Variants in ME2 observed in about 807,000 individuals in gnomAD.
ME2 encodes the protein NAD-dependent malic enzyme, mitochondrial.
In ME2, 60 loss-of-function variants were observed where a neutral mutation model predicts 73.7. The ratio of observed to expected loss-of-function variants is 0.81; its 90% CI spans 0.66 to 1.01. The LOEUF is 1.01. Ranked by LOEUF, ME2 falls within the 50% of genes least tolerant of loss-of-function variation. The pLI is 0.00. For missense variants in ME2, 594 were observed against 705.5 expected, an observed-to-expected ratio of 0.84 and a Z score of 1.79; for synonymous variants, 199 against 236.9, an observed-to-expected ratio of 0.84 and a Z score of 1.47.
chr18:50,908,979 G>A (rs1274861618), intron 3 of ME2, among the ~76,000 whole-genome samples: 1 of 124,894 alleles, frequency 8.0e-6, no homozygotes, highest in Non-Finnish European at 1.7e-5. Flanking sequence ...TTTGAGACAG[G>A]GTCTCACTCT....
In ME2 at chr18:50,912,902, C is replaced by T. The variant is rs780998158; in HGVS notation, c.344C>T (p.Thr115Met). ...TTAATGCCAATTGTATATACACCGA[C>T]GGTTGGTCTTGCCTGCTCCCAGTAT... ...ESLMPIVYTP[T>M]VGLACSQYGH... Residue 115 changes from threonine (T) to methionine (M), a missense_variant, in exon 4 of 16, where the codon ACG (threonine) becomes ATG (methionine). Transcript: ENST00000321341. The T allele has an allele frequency of 6.2e-6, 10 of 1,611,466 alleles. No homozygotes were observed. Among genetic ancestry groups the T allele is most frequent in the South Asian group, 5.5e-5 (5 of 90,622 alleles).
chr18:50,884,313 GGT>G (rs1440371633), intron 1 of ME2, among the ~76,000 whole-genome samples: 1 of 151,942 alleles, frequency 6.6e-6, no homozygotes. Context: ...TTTGAGAGGT[GGT>G]GTTATCTTTA....
chr18:50,895,183 T>G (rs1259435178), intron 1 of ME2, among the ~76,000 whole-genome samples: 1 of 152,138 alleles, frequency 6.6e-6, no homozygotes, highest in Non-Finnish European at 1.5e-5. Context: ...TATAGTTTTC[T>G]CTTTAAAAAT....
At chr18:50,927,751 T>TATATATATATATATAC (rs1316314513) in intron 12 of ME2, among the ~76,000 whole-genome samples, 29 of 123,280 alleles carry the variant, frequency 2.4e-4, no homozygotes, top group African/African-American at 5.0e-4. Flanking sequence ...TATATATATA[T>TATATATATATATATAC]ACACACCACA....
chr18:50,918,971 T>A (rs1018354542), intron 7 of ME2, among the ~76,000 whole-genome samples: 2 of 152,208 alleles, frequency 1.3e-5, no homozygotes, highest in African/African-American at 4.8e-5. Context: ...TCTTCTGTAT[T>A]CCCAGCTTCT....
intron 2 of ME2, among the ~76,000 whole-genome samples, chr18:50,905,020 C>G (rs927491977): frequency 6.6e-6 from 1 of 151,938 alleles, no homozygotes; most frequent in African/African-American, 2.4e-5. Flanking sequence ...CGGAATCTCC[C>G]TCTGTCACCA....
chr18:50,899,095 T>A (rs1168460925), intron 2 of ME2, among the ~76,000 whole-genome samples: 1 of 152,168 alleles, frequency 6.6e-6, no homozygotes, highest in African/African-American at 2.4e-5. Context: ...CATTACCGCC[T>A]GTGCTCTGCC....
At chr18:50,903,788 T>C (rs1916946234) in intron 2 of ME2, among the ~76,000 whole-genome samples, 1 of 152,174 alleles carries the variant, frequency 6.6e-6, no homozygotes, top group Non-Finnish European at 1.5e-5. Flanking sequence ...CATTTAAACA[T>C]ACGTTTTAGC....
chr18:50,910,056 C>T (rs1917111274), intron 3 of ME2, among the ~76,000 whole-genome samples: 1 of 151,960 alleles, frequency 6.6e-6, no homozygotes, highest in Admixed American at 6.6e-5. Context: ...AAAGTCATCG[C>T]TCAGATTTAG....
At chr18:50,926,012 T>C (rs2144246675) in intron 12 of ME2, 114 bp downstream of exon 12, 1 of 696,804 alleles carries the variant, frequency 1.4e-6, no homozygotes, top group Non-Finnish European at 2.4e-6. Context: ...AGCATGCATC[T>C]ATGGGTGATC....
chr18:50,920,032 ATCT>A (rs751205480), intron 7 of ME2, among the ~76,000 whole-genome samples: 15 of 152,210 alleles, frequency 9.9e-5, no homozygotes, highest in Non-Finnish European at 1.5e-4. Context: ...GACGATTAAC[ATCT>A]TCTTTTTCTG....
chr18:50,882,153 T>C (rs911411191), intron 1 of ME2, among the ~76,000 whole-genome samples: 2 of 152,166 alleles, frequency 1.3e-5, no homozygotes, highest in Admixed American at 1.3e-4. Flanking sequence ...TGTGTGCCAC[T>C]ACCCCCAGCT....
rs1193034540 is a variant in ME2 at position 50,924,101 on chromosome 18, C to T, written c.1060C>T (p.Arg354Trp). Reference protein sequence around the residue: ...FDKYGLLVKGRKAKIDSYQEP... With the variant: ...FDKYGLLVKGWKAKIDSYQEP... ...TGTATTTTATCTCAAAATTTAGGGA[C>T]GGAAAGCAAAAATAGATAGTTATCA... Residue 354 changes from arginine to tryptophan, a missense_variant, in exon 11 of 16, where the codon CGG becomes TGG. By Grantham distance (101) the Arg-to-Trp change is moderately radical (BLOSUM62 -3). Transcript: ENST00000321341. The T allele has an allele frequency of 6.9e-6, 11 of 1,604,268 alleles. No individual in the cohort carries two copies. The highest frequency in any genetic ancestry group is 6.7e-5 in the East Asian group (3 of 44,620).
At chr18:50,887,958 G>A (rs774447114) in intron 1 of ME2, among the ~76,000 whole-genome samples, 12 of 152,216 alleles carry the variant, frequency 7.9e-5, no homozygotes, top group Admixed American at 2.6e-4. Flanking sequence ...TAGAAATATA[G>A]ACATAAAATA....
chr18:50,899,336 G>T (rs932106192), intron 2 of ME2, among the ~76,000 whole-genome samples: 4 of 152,184 alleles, frequency 2.6e-5, no homozygotes, highest in African/African-American at 4.8e-5. Flanking sequence ...TCTTCAGCTG[G>T]CTGTGGTGGC....
At chr18:50,914,882 C>G (rs763031042) in intron 4 of ME2, among the ~76,000 whole-genome samples, 32 of 152,136 alleles carry the variant, frequency 2.1e-4, no homozygotes, top group Non-Finnish European at 4.4e-4. Flanking sequence ...TTTGCTTTCT[C>G]TTTTGAAATC....
chr18:50,942,586 T>A (rs1188456010), intron 15 of ME2: 1 of 234,490 alleles, frequency 4.3e-6, no homozygotes, highest in Non-Finnish European at 8.1e-6. Context: ...AGATCTTTTT[T>A]AAAAAGTGTT....
intron 12 of ME2, among the ~76,000 whole-genome samples, chr18:50,931,472 G>A (rs1211159768): frequency 6.6e-6 from 1 of 152,164 alleles, no homozygotes; most frequent in Non-Finnish European, 1.5e-5. Context: ...TTAGTGAAAT[G>A]GAGATGATGA....
At chr18:50,937,171 AAAAACT>A (rs1917837903) in intron 13 of ME2, among the ~76,000 whole-genome samples, 1 of 152,146 alleles carries the variant, frequency 6.6e-6, no homozygotes, top group South Asian at 2.1e-4. Flanking sequence ...TTGAAAAAAA[AAAAACT>A]AAAAGTAAAA....
Sources: allele counts gnomAD v4.1 joint callset (sites outside exome capture counted in the v4.1 genomes callset), GRCh38; gene constraint gnomAD v4.1.1; transcripts MANE v1.5; gene names NCBI Gene and HGNC (gene_info 2026-07-23, HGNC 2026-07-21).